FAM118B: variants seen among roughly 807,000 people sequenced by gnomAD.
FAM118B encodes the protein protein FAM118B.
FAM118B carries 24 observed loss-of-function variants against 38.5 expected under a neutral mutation model. The ratio of observed to expected loss-of-function variants is 0.62; its 90% confidence interval spans 0.45 to 0.88. The LOEUF (loss-of-function observed/expected upper bound fraction) is 0.88. FAM118B is among the 40% of genes least tolerant of loss of function. The probability of loss-of-function intolerance (pLI) is 0.00; values close to 1 mark genes in which losing one functional copy is unlikely to be tolerated. For missense variants in FAM118B, 334 were observed against 420.0 expected, an observed-to-expected ratio of 0.80 and a Z score of 1.79; for synonymous variants, 138 against 156.3, an observed-to-expected ratio of 0.88 and a Z score of 0.87.
chr11:126,247,875 A>C (rs957162669), intron 4 of FAM118B, among the ~76,000 whole-genome samples: 29 of 145,872 alleles, frequency 2.0e-4, no homozygotes, highest in African/African-American at 6.0e-4. Context: ...AAATATATAT[A>C]TATATCTATA....
At chr11:126,219,860 A>G (rs1950040382) in intron 1 of FAM118B, among the ~76,000 whole-genome samples, 1 of 151,538 alleles carries the variant, frequency 6.6e-6, no homozygotes, top group Admixed American at 6.6e-5. Context: ...TTAACTTAAA[A>G]AAAAAAAAAA....
In FAM118B at chr11:126,256,475, C is replaced by T; in HGVS notation, c.697-92C>T. On this transcript the variant is annotated intron_variant, in intron 6 of 8. Transcript: ENST00000533050. This position sits in a 1 kb window ranked among gnomAD's most constrained non-coding sequence, Gnocchi z 6.6. ...ACTTAAGTCTTGCTTAATTGGTCAT[C>T]ACAGTCTGCTCAACGTAGCATGACC... 2 of 1,215,190 alleles carry T rather than the reference C, an allele frequency of 1.6e-6. No individual in the cohort carries two copies. Among genetic ancestry groups the T allele is most frequent in the Non-Finnish European group, 2.3e-6 (2 of 863,294 alleles). The allele number at this position is 1,215,190 out of a possible 1,614,324, so 75.3% of individuals were successfully genotyped here.
chr11:126,228,141 C>A (rs1376821268), intron 1 of FAM118B, among the ~76,000 whole-genome samples: 2 of 151,898 alleles, frequency 1.3e-5, no homozygotes, highest in Non-Finnish European at 2.9e-5. Flanking sequence ...AGTTGGAAAT[C>A]CTCAAGGAAG....
At chr11:126,215,132 G>T (rs1184958949) in intron 1 of FAM118B, among the ~76,000 whole-genome samples, 1 of 152,164 alleles carries the variant, frequency 6.6e-6, no homozygotes, top group Non-Finnish European at 1.5e-5. Flanking sequence ...CAGTTCAGCC[G>T]CTGCGTACTT....
intron 2 of FAM118B, 104 bp downstream of exon 2, chr11:126,229,397 T>A (rs1950180815): frequency 6.6e-6 from 1 of 152,212 alleles, no homozygotes; most frequent in Admixed American, 6.5e-5. Flanking sequence ...TATGCGTTAC[T>A]TTGGCTTTAT....
At chr11:126,221,962 G>A (rs139117790) in intron 1 of FAM118B, among the ~76,000 whole-genome samples, 176 of 152,188 alleles carry the variant, frequency 1.2e-3, no homozygotes, top group African/African-American at 3.8e-3. Context: ...TGTGAAACTT[G>A]GCACAAACAT....
chr11:126,233,854 T>G, intron 2 of FAM118B: 1 of 404,212 alleles, frequency 2.5e-6, no homozygotes, highest in South Asian at 1.8e-5. Flanking sequence ...AGGCCAAGGC[T>G]GGAAGATTAC....
chr11:126,240,334 C>T (rs1288917216), intron 3 of FAM118B, among the ~76,000 whole-genome samples: 1 of 151,378 alleles, frequency 6.6e-6, no homozygotes, highest in Non-Finnish European at 1.5e-5. Flanking sequence ...TTTGTATTGC[C>T]TTTCCCCTAG....
intron 3 of FAM118B, among the ~76,000 whole-genome samples, chr11:126,235,390 G>GT (rs1299583284): frequency 6.6e-6 from 1 of 151,974 alleles, no homozygotes; most frequent in Non-Finnish European, 1.5e-5. Flanking sequence ...CTGCTTTTTA[G>GT]TTTTTTGGTT....
In FAM118B at chr11:126,262,458, C is replaced by T. The variant is rs1232769646; in HGVS notation, c.*325C>T. ...CTTCCACTGACCGGCTGCAGCTCTGCATGAAGGACTCGGGGTCTGGATGCC... is the reference window on the plus strand; with the variant it reads ...CTTCCACTGACCGGCTGCAGCTCTGTATGAAGGACTCGGGGTCTGGATGCC... On this transcript the variant is annotated 3_prime_UTR_variant, in exon 9 of 9. Coordinates refer to ENST00000533050, the MANE Select transcript of FAM118B (RefSeq NM_024556.4). The T allele has an allele frequency of 5.5e-6, 2 of 366,146 alleles. No homozygotes were observed. Among genetic ancestry groups the T allele is most frequent in the Non-Finnish European group, 9.8e-6 (2 of 203,322 alleles). The allele number at this position is 366,146 out of a possible 1,614,324, so 22.7% of individuals were successfully genotyped here. A position where few individuals can be genotyped will look rare whatever the true frequency, so the allele number is the denominator to read the frequency against.
chr11:126,241,127 T>A, intron 4 of FAM118B, 83 bp downstream of exon 4: 1 of 1,380,668 alleles, frequency 7.2e-7, no homozygotes, highest in Non-Finnish European at 9.9e-7. Flanking sequence ...CTGTCAAAAC[T>A]AGCATGCCAA....
At chr11:126,242,847 C>T (rs1257690151) in intron 4 of FAM118B, among the ~76,000 whole-genome samples, 1 of 152,152 alleles carries the variant, frequency 6.6e-6, no homozygotes, top group Non-Finnish European at 1.5e-5. Context: ...ATTCTATGAA[C>T]CAGCAACTGC....
chr11:126,233,634 CCTAA>C lies in FAM118B; in HGVS notation c.-7-1358_-7-1355del, dbSNP rs537639721. 119 of 426,838 alleles carry C rather than the reference CCTAA, an allele frequency of 2.8e-4. No homozygotes were observed. The East Asian group carries it at 8.0e-3, about 29-fold the overall frequency. The allele number at this position is 426,838 out of a possible 1,614,324, so 26.4% of individuals were successfully genotyped here. ...ATTTGACTGGAAACATGATCTACTTCCTAACTCACTACTGTGACTGTATTATTTC... is the reference window on the plus strand; with the variant it reads ...ATTTGACTGGAAACATGATCTACTTCCTCACTACTGTGACTGTATTATTTC... On this transcript the variant is annotated intron_variant, in intron 2 of 8. Transcript: ENST00000533050.
chr11:126,254,091 A>G (rs1950541440), intron 5 of FAM118B, among the ~76,000 whole-genome samples: 1 of 152,198 alleles, frequency 6.6e-6, no homozygotes, highest in Non-Finnish European at 1.5e-5. Flanking sequence ...GCTTACTTTC[A>G]AAGAGAAATC....
chr11:126,251,043 ATTGATAATG>A (rs1259254305), intron 5 of FAM118B, among the ~76,000 whole-genome samples: 1 of 152,210 alleles, frequency 6.6e-6, no homozygotes, highest in Non-Finnish European at 1.5e-5. Flanking sequence ...GTGGTGTAAT[ATTGATAATG>A]CTGGTTCTAT....
chr11:126,235,611 C>T (rs1015135797), intron 3 of FAM118B, among the ~76,000 whole-genome samples: 4 of 152,108 alleles, frequency 2.6e-5, no homozygotes, highest in Non-Finnish European at 5.9e-5. Flanking sequence ...CTCCACCTCC[C>T]GGGTTCAAGA....
At chr11:126,261,704 T>C (rs1329940825) in intron 8 of FAM118B, among the ~76,000 whole-genome samples, 1 of 152,158 alleles carries the variant, frequency 6.6e-6, no homozygotes, top group Non-Finnish European at 1.5e-5. Flanking sequence ...TTGAAAAAAG[T>C]ACTGCTGGGT....
chr11:126,237,343 C>T (rs1239782168), intron 3 of FAM118B, among the ~76,000 whole-genome samples: 4 of 149,114 alleles, frequency 2.7e-5, no homozygotes, highest in Non-Finnish European at 5.9e-5. Context: ...GCCTCAGCCT[C>T]CTGAGTAGCT....
chr11:126,219,027 A>T (rs1461570561), intron 1 of FAM118B, among the ~76,000 whole-genome samples: 3 of 152,200 alleles, frequency 2.0e-5, no homozygotes, highest in African/African-American at 7.2e-5. Context: ...GCATTAGTTA[A>T]ATAGACTTTA....
Sources: gnomAD v4.1 joint callset for allele counts (sites outside exome capture counted in the v4.1 genomes callset) on GRCh38, gnomAD v4.1.1 for gene constraint, Gnocchi (gnomAD v3.1) non-coding constraint, MANE v1.5 for transcripts, NCBI Gene and HGNC (gene_info 2026-07-23, HGNC 2026-07-21) for gene names.